The following SLIT2 variants were observed in gnomAD, a reference collection of about 807,000 sequenced individuals.
The protein encoded by SLIT2 is slit guidance ligand 2, also known as slit homolog 2 protein.
A neutral mutation model predicts 185.7 loss-of-function variants in SLIT2; 41 were observed. The ratio of observed to expected loss-of-function variants is 0.22; its 90% CI spans 0.17 to 0.29. The LOEUF is 0.29. Among genes scored for constraint, SLIT2 ranks in the 10% least tolerant of loss-of-function variants. SLIT2 has a pLI of 1.00. For missense variants in SLIT2, 1,571 were observed against 1,909.0 expected (o/e 0.82, Z 3.30); for synonymous variants, 693 against 680.2 (o/e 1.02, Z -0.29).
chr4:20,500,997 A>T (rs1024497698), intron 9 of SLIT2, among the ~76,000 whole-genome samples: 4 of 152,222 alleles, frequency 2.6e-5, no homozygotes, highest in Non-Finnish European at 4.4e-5. Context: ...GCTAATATAT[A>T]TATGGTTAGA....
At chr4:20,534,329 T>C (rs1481505416) in intron 18 of SLIT2, among the ~76,000 whole-genome samples, 5 of 152,120 alleles carry the variant, frequency 3.3e-5, no homozygotes, top group Non-Finnish European at 7.4e-5. Flanking sequence ...AAAGAAAACA[T>C]GCTAAGAGTT....
intron 18 of SLIT2, among the ~76,000 whole-genome samples, chr4:20,538,932 A>C (rs1293393864): frequency 6.6e-6 from 1 of 152,012 alleles, no homozygotes; most frequent in African/African-American, 2.4e-5. Flanking sequence ...GTCTTTGTGG[A>C]TATTCTGTCC....
rs183950189 is a variant in SLIT2 at position 20,368,017 on chromosome 4, T to C, written c.395+99136T>C. Among the ~76,000 whole-genome samples the C allele has an allele frequency of 4.4e-4, 67 of 152,170 alleles. 2 individuals are homozygous for C. The highest frequency in any genetic ancestry group is 2.2e-3 in the Admixed American group (34 of 15,272). The stretch of plus-strand genomic sequence containing the variant: ...ACACCACTCTCATTCTCACTTTCTC[T>C]CTTTTTTCTGTTCTTGAAAACTCAA... On this transcript the variant is annotated intron_variant, in intron 4 of 36. Coordinates refer to ENST00000504154, the MANE Select transcript of SLIT2 (RefSeq NM_004787.4).
chr4:20,537,716 C>T (rs1005305823), intron 18 of SLIT2, among the ~76,000 whole-genome samples: 1 of 152,084 alleles, frequency 6.6e-6, no homozygotes, highest in African/African-American at 2.4e-5. Flanking sequence ...GTAGTTAATC[C>T]TAGAATAGTT....
At chr4:20,446,330 T>C (rs1042944058) in intron 4 of SLIT2, among the ~76,000 whole-genome samples, 14 of 152,212 alleles carry the variant, frequency 9.2e-5, no homozygotes, top group Admixed American at 7.9e-4. Flanking sequence ...AATGTGATGT[T>C]ATATGGTTCC....
intron 4 of SLIT2, among the ~76,000 whole-genome samples, chr4:20,445,357 T>G (rs1711645147): frequency 6.6e-6 from 1 of 152,226 alleles, no homozygotes; most frequent in Non-Finnish European, 1.5e-5. Flanking sequence ...AAAAAGAATC[T>G]TAAGTGATCT....
At chr4:20,617,341 C>T (rs1729743419) in intron 35 of SLIT2, 98 bp from the exon 36 acceptor site, 2 of 1,385,740 alleles carry the variant, frequency 1.4e-6, no homozygotes, top group African/African-American at 1.4e-5. Flanking sequence ...CTCTGTCCCT[C>T]ATATTTTCTC....
rs1577892880 is a variant in SLIT2, at chr4:20,542,520, C to G, written c.2170C>G (p.Leu724Val). 6.2e-7 allele frequency: 1 copy of G among 1,613,708 alleles called. No homozygotes were observed. Residue 724 changes from leucine (L) to valine (V), a missense_variant, in exon 21 of 37, where the codon CTT becomes GTT. Around this residue, in one of 3 missense-constraint regions of SLIT2, gnomAD observed 1,202 missense variants for 1,416.4 expected, o/e 0.85. Transcript: ENST00000504154. ...AAATGATGACAATAGTTGCTCCCCA[C>G]TTTCTCGCTGTCCTACTGAATGTAC... Reference protein sequence around the residue: ...DGNDDNSCSPLSRCPTECTCL... With the variant: ...DGNDDNSCSPVSRCPTECTCL...
chr4:20,599,172 A>G (rs1203430905), intron 33 of SLIT2, among the ~76,000 whole-genome samples: 1 of 152,160 alleles, frequency 6.6e-6, no homozygotes, highest in East Asian at 1.9e-4. Context: ...TTGACCATCC[A>G]TTTTGGAAGT....
At chr4:20,545,408 A>G (rs527973615) in intron 21 of SLIT2, among the ~76,000 whole-genome samples, 16 of 151,962 alleles carry the variant, frequency 1.1e-4, no homozygotes, top group Admixed American at 7.9e-4. Flanking sequence ...TTCTGACTCT[A>G]ATAAGAAGGG....
At chr4:20,469,600 T>C (rs187714578) in intron 5 of SLIT2, among the ~76,000 whole-genome samples, 21 of 152,210 alleles carry the variant, frequency 1.4e-4, no homozygotes, top group Non-Finnish European at 2.9e-4. Flanking sequence ...AATTTAAAGA[T>C]TTTTTATTAT....
intron 4 of SLIT2, among the ~76,000 whole-genome samples, chr4:20,305,318 C>T (rs7682397): frequency 0.77 from 117,351 of 152,046 alleles, 45,668 homozygotes; most frequent in East Asian, 0.96. Context: ...GAAATGGAGA[C>T]GGCTAGATCA....
rs139833748 is a variant in SLIT2 at position 20,264,836 on chromosome 4, C to T, written c.324-3974C>T. Among the ~76,000 whole-genome samples the T allele has an allele frequency of 4.2e-3, 635 of 152,052 alleles. 10 individuals are homozygous for T. Among genetic ancestry groups the T allele is most frequent in the African/African-American group, 0.015 (618 of 41,530 alleles). On this transcript the variant is annotated intron_variant, in intron 3 of 36. Coordinates refer to ENST00000504154, the MANE Select transcript of SLIT2 (RefSeq NM_004787.4). ...ACATACATTACACACCTTTCTGAAACTGTGAATTGCCATCTAGAGAATTAT... is the reference window on the plus strand; with the variant it reads ...ACATACATTACACACCTTTCTGAAATTGTGAATTGCCATCTAGAGAATTAT...
At chr4:20,293,067 G>A (rs1716122990) in intron 4 of SLIT2, among the ~76,000 whole-genome samples, 1 of 152,164 alleles carries the variant, frequency 6.6e-6, no homozygotes, top group Admixed American at 6.5e-5. Flanking sequence ...AAAGAGGGGG[G>A]AAAAAGTCTG....
intron 4 of SLIT2, among the ~76,000 whole-genome samples, chr4:20,428,368 C>T (rs1487060832): frequency 6.6e-6 from 1 of 152,182 alleles, no homozygotes; most frequent in Non-Finnish European, 1.5e-5. Context: ...CATACCCGCT[C>T]TTGTCTACCT....
intron 4 of SLIT2, among the ~76,000 whole-genome samples, chr4:20,282,919 G>A (rs1384055139): frequency 6.6e-6 from 1 of 152,142 alleles, no homozygotes; most frequent in Non-Finnish European, 1.5e-5. Flanking sequence ...GCGTTGTCAC[G>A]TGTAAGACTT....
chr4:20,399,676 A>AC (rs1229258741), intron 4 of SLIT2, among the ~76,000 whole-genome samples: 1 of 151,786 alleles, frequency 6.6e-6, no homozygotes, highest in Non-Finnish European at 1.5e-5. Context: ...GAGAAAGCTC[A>AC]CAGTCTGGTA....
rs187795492 is a variant in SLIT2 at position 20,505,699 on chromosome 4, A to T, written c.915-4796A>T. On this transcript the variant is annotated intron_variant, in intron 9 of 36. Transcript: ENST00000504154. The stretch of plus-strand genomic sequence containing the variant: ...TCCACAAGTGGCAGAATTAGACTTC[A>T]TTGAGCTAAAAGATAGCTGCACATA... Among the ~76,000 whole-genome samples the T allele has an allele frequency of 3.9e-5, 6 of 152,238 alleles. No individual in the cohort carries two copies. In the East Asian group the frequency reaches 1.2e-3, roughly 29 times the overall value.
intron 4 of SLIT2, among the ~76,000 whole-genome samples, chr4:20,388,418 A>G (rs987701687): frequency 6.6e-6 from 1 of 152,292 alleles, no homozygotes; most frequent in African/African-American, 2.4e-5. Context: ...TAGGTTATGG[A>G]CTGAAAAACC....
Sources: allele counts gnomAD v4.1 joint callset (sites outside exome capture counted in the v4.1 genomes callset), GRCh38; gene constraint gnomAD v4.1.1; regional missense constraint gnomAD v4.1.1; transcripts MANE v1.5; gene names NCBI Gene and HGNC (gene_info 2026-07-23, HGNC 2026-07-21).